Variants in TNC observed in about 807,000 individuals in gnomAD.
TNC encodes tenascin.
Under a neutral mutation model 202.4 loss-of-function variants are expected in TNC, and 109 were observed. The observed-to-expected ratio is 0.54, with a 90% CI of 0.46 to 0.63. The LOEUF (loss-of-function observed/expected upper bound fraction) is 0.63, where lower values mean the gene tolerates loss of function less well. Ranked by LOEUF, TNC falls within the 30% of genes least tolerant of loss-of-function variation. The pLI, the probability that TNC is intolerant of heterozygous loss-of-function variation, is 0.00. For missense variants in TNC, 2,756 were observed against 2,833.3 expected (o/e 0.97, Z 0.62); for synonymous variants, 1,007 against 1,089.7 (o/e 0.92, Z 1.50).
At chr9:115,097,822 T>C (rs1217103021) in intron 1 of TNC, among the ~76,000 whole-genome samples, 1 of 151,982 alleles carries the variant, frequency 6.6e-6, no homozygotes, top group Non-Finnish European at 1.5e-5. Context: ...AAATAATGCA[T>C]AGGAAAGCAG....
At chr9:115,062,395 C>T (rs1201252422) in intron 13 of TNC, among the ~76,000 whole-genome samples, 1 of 151,786 alleles carries the variant, frequency 6.6e-6, no homozygotes, top group Non-Finnish European at 1.5e-5. Flanking sequence ...TGGCTTGAGC[C>T]CGGGAGTTTG....
chr9:115,033,232 A>G (rs1830076788), intron 22 of TNC, among the ~76,000 whole-genome samples: 1 of 152,106 alleles, frequency 6.6e-6, no homozygotes, highest in Non-Finnish European at 1.5e-5. Flanking sequence ...TTTTTTTTCT[A>G]AGACATGTAA....
At chr9:115,029,958 A>T (rs934973507) in intron 24 of TNC, among the ~76,000 whole-genome samples, 3 of 151,660 alleles carry the variant, frequency 2.0e-5, no homozygotes, top group Admixed American at 6.6e-5. Context: ...TAATGTAAGC[A>T]ATGGGTTCAA....
intron 25 of TNC, among the ~76,000 whole-genome samples, chr9:115,028,541 G>T (rs1829686565): frequency 6.6e-6 from 1 of 151,944 alleles, no homozygotes; most frequent in African/African-American, 2.4e-5. Context: ...AACACATAAG[G>T]GCTGAGTTTT....
At chr9:115,117,138 G>C (rs1255780586) in intron 1 of TNC, among the ~76,000 whole-genome samples, 1 of 152,196 alleles carries the variant, frequency 6.6e-6, no homozygotes, top group Non-Finnish European at 1.5e-5. Flanking sequence ...CATATGTATG[G>C]TGGTGGGGAG....
At chr9:115,042,672 T>G (rs956318560) in intron 17 of TNC, among the ~76,000 whole-genome samples, 1 of 152,208 alleles carries the variant, frequency 6.6e-6, no homozygotes, top group Non-Finnish European at 1.5e-5. Flanking sequence ...TTTTAACATT[T>G]TCTTAAATCT....
Position 115,076,539 on chromosome 9 carries a change from T to C in TNC, c.2711A>G (p.Gln904Arg). ...DAPRNLRRVS[Q>R]TDNSITLEWR... Reference sequence around the variant, plus strand: ...TTCCAGGGTGATGCTGTTATCTGTCTGGGAAACACGTCGAAGATTCCTGGG... The same window carrying C: ...TTCCAGGGTGATGCTGTTATCTGTCCGGGAAACACGTCGAAGATTCCTGGG... The change falls in exon 8 of 28, where the codon CAG becomes CGG. Residue 904 changes from glutamine to arginine, a missense_variant. Physicochemically the swap from Gln to Arg is conservative, Grantham distance 43. Transcript: ENST00000350763. 1 of 1,614,242 alleles carries C rather than the reference T, an allele frequency of 6.2e-7. No individual in the cohort carries two copies. The highest frequency in any genetic ancestry group is 8.5e-7 in the Non-Finnish European group (1 of 1,180,046).
chr9:115,034,158 G>T (rs1334561107), intron 22 of TNC, among the ~76,000 whole-genome samples: 2 of 152,236 alleles, frequency 1.3e-5, no homozygotes, highest in African/African-American at 2.4e-5. Flanking sequence ...AGGAAGTCCG[G>T]ATTCAAATCC....
intron 16 of TNC, among the ~76,000 whole-genome samples, chr9:115,047,474 T>G (rs1831293502): frequency 6.6e-6 from 1 of 152,130 alleles, no homozygotes; most frequent in African/African-American, 2.4e-5. Flanking sequence ...AAAAGTATCC[T>G]TTGTCAAATA....
intron 17 of TNC, among the ~76,000 whole-genome samples, chr9:115,044,479 T>C (rs1262496174): frequency 2.0e-5 from 3 of 148,952 alleles, no homozygotes; most frequent in Non-Finnish European, 4.4e-5. Flanking sequence ...GAGAAGAAAA[T>C]CAAAGAGAGG....
chr9:115,091,211 A>G (rs1835207151), intron 1 of TNC, 57 bp from the exon 2 acceptor site: 1 of 583,008 alleles, frequency 1.7e-6, no homozygotes, highest in Non-Finnish European at 3.0e-6. Flanking sequence ...TATATTGAAT[A>G]TCTACAATTC....
intron 1 of TNC, among the ~76,000 whole-genome samples, chr9:115,109,130 T>A (rs913182257): frequency 6.6e-6 from 1 of 152,210 alleles, no homozygotes; most frequent in African/African-American, 2.4e-5. Context: ...AAACCCTTTT[T>A]TAGGTGATTC....
chr9:115,087,580 G>A (rs924503577), intron 2 of TNC, among the ~76,000 whole-genome samples: 1 of 149,414 alleles, frequency 6.7e-6, no homozygotes, highest in African/African-American at 2.5e-5. Flanking sequence ...CCACCCCTGG[G>A]GAGCGGATTC....
intron 1 of TNC, among the ~76,000 whole-genome samples, chr9:115,095,130 T>C (rs1835541803): frequency 6.6e-6 from 1 of 152,074 alleles, no homozygotes; most frequent in Non-Finnish European, 1.5e-5. Flanking sequence ...TCTGTGACCA[T>C]AAGCCAGAGT....
intron 1 of TNC, 149 bp from the exon 2 acceptor site, chr9:115,091,303 T>C (rs1319026712): frequency 2.6e-6 from 1 of 387,112 alleles, no homozygotes; most frequent in African/African-American, 2.0e-5. Context: ...TAACATACAA[T>C]GGTCTCTAAA....
Position 115,086,521 on chromosome 9 carries a change from C to G in TNC, c.1210G>C (p.Gly404Arg). The G allele has an allele frequency of 6.2e-7, 1 of 1,613,840 alleles. No individual in the cohort carries two copies. The highest frequency in any genetic ancestry group is 2.2e-5 in the East Asian group (1 of 44,856). ...CAGCCATTGGGACACTTGAGCTCCCCACAGTCAGCTCCAGTGAAACCATCA... is the reference window on the plus strand; with the variant it reads ...CAGCCATTGGGACACTTGAGCTCCCGACAGTCAGCTCCAGTGAAACCATCA... ...CDDGFTGADC[G>R]ELKCPNGCSG... The change falls in exon 3 of 28, where the codon GGG becomes CGG. Residue 404 changes from glycine to arginine, a missense_variant. Gly to Arg is a moderately radical substitution (Grantham distance 125). Around this residue, in one of 2 missense-constraint regions of TNC, gnomAD observed 2,559 missense variants for 2,546.0 expected, o/e 1.01. Transcript: ENST00000350763.
chr9:115,037,956 A>G (rs532685799), intron 20 of TNC, among the ~76,000 whole-genome samples: 43 of 152,362 alleles, frequency 2.8e-4, no homozygotes, highest in African/African-American at 9.4e-4. Context: ...CTTCTTTGTA[A>G]AAGATGACAA....
In TNC at chr9:115,036,183, G is replaced by A. The variant is rs764363683; in HGVS notation, c.5571C>T (p.Leu1857=). 6 of 1,614,044 alleles carry A rather than the reference G, an allele frequency of 3.7e-6. No individual in the cohort carries two copies. The highest frequency in any genetic ancestry group is 3.3e-5 in the Admixed American group (2 of 60,006). ...GNTVEYALTD[L]EPATEYTLRI... ...TCAGTGTGTATTCCGTGGCAGGCTC[G>A]AGGTCGGTCAGAGCATACTCCACTG... Residue 1857 remains leucine, a synonymous_variant, in exon 21 of 28, where the codon CTC becomes CTT. Coordinates refer to ENST00000350763, the MANE Select transcript of TNC (RefSeq NM_002160.4).
In TNC at chr9:115,046,508, T is replaced by A. The variant is rs1831204234; in HGVS notation, c.5027A>T (p.Asp1676Val). ...ITLLAPERTR[D>V]ITGLREATEY... ...AGTAGCCTCTCTGAGACCTGTTATG[T>A]CCCTGGTACGTTCGGGGGCAAGTAG... The change falls in exon 17 of 28, where the codon GAC (aspartate) becomes GTC (valine). Residue 1676 changes from aspartate (D) to valine (V), a missense_variant. By Grantham distance (152) the Asp-to-Val change is radical (BLOSUM62 -3). This residue lies in a region of TNC where 2,559 missense variants were observed against 2,546.0 expected (regional missense o/e 1.01). Transcript: ENST00000350763. The A allele has an allele frequency of 3.7e-6, 6 of 1,614,158 alleles. No individual in the cohort carries two copies. The highest frequency in any genetic ancestry group is 1.1e-5 in the South Asian group (1 of 91,080).
Sources: allele counts gnomAD v4.1 joint callset (sites outside exome capture counted in the v4.1 genomes callset), GRCh38; gene constraint gnomAD v4.1.1; regional missense constraint gnomAD v4.1.1; transcripts MANE v1.5; gene names NCBI Gene and HGNC (gene_info 2026-07-23, HGNC 2026-07-21).